Variants in NXPE2 observed in about 807,000 individuals in gnomAD.
NXPE2 encodes the protein NXPE family member 2.
Under a neutral mutation model 34.4 loss-of-function variants are expected in NXPE2, and 34 were observed. That is an observed-to-expected ratio of 0.99 (90% CI 0.75 to 1.31). The LOEUF is 1.31. NXPE2 is among the 40% of genes most tolerant of loss of function. The pLI is 0.00. For missense variants in NXPE2, 649 were observed against 672.5 expected, an observed-to-expected ratio of 0.97 and a Z score of 0.39; for synonymous variants, 235 against 231.3, an observed-to-expected ratio of 1.02 and a Z score of -0.15.
the NXPE2 span, among the ~76,000 whole-genome samples, chr11:114,509,318 T>C: frequency 6.6e-6 from 1 of 152,226 alleles, no homozygotes; most frequent in African/African-American, 2.4e-5. Flanking sequence ...TTTACACTGT[T>C]AGTGGGAGTG....
intron 2 of NXPE2, among the ~76,000 whole-genome samples, chr11:114,695,866 C>CACACACACACAA (rs960618609): frequency 1.9e-4 from 29 of 149,316 alleles, no homozygotes; most frequent in African/African-American, 7.2e-4. Flanking sequence ...CACACACACA[C>CACACACACACAA]AATTAGCTGG....
At chr11:114,775,987 T>C in the NXPE2 span, among the ~76,000 whole-genome samples, 1 of 152,052 alleles carries the variant, frequency 6.6e-6, no homozygotes, top group Non-Finnish European at 1.5e-5. Context: ...ACTGCAAGGA[T>C]GGCACAGTGC....
the NXPE2 span, among the ~76,000 whole-genome samples, chr11:114,526,105 T>C: frequency 6.6e-6 from 1 of 152,154 alleles, no homozygotes; most frequent in African/African-American, 2.4e-5. Flanking sequence ...CCCTCTGCTG[T>C]GGCTTTGAAG....
upstream of NXPE2, among the ~76,000 whole-genome samples, chr11:114,675,009 T>C (rs1168063917): frequency 6.6e-6 from 1 of 151,688 alleles, no homozygotes; most frequent in Non-Finnish European, 1.5e-5. Flanking sequence ...TACACAAATC[T>C]ATACATGTAA....
At chr11:114,510,427 G>A in the NXPE2 span, among the ~76,000 whole-genome samples, 1 of 152,068 alleles carries the variant, frequency 6.6e-6, no homozygotes, top group Admixed American at 6.6e-5. Flanking sequence ...ATAGAGATGG[G>A]TCTCCCTTTG....
At chr11:114,707,333 T>C, downstream of NXPE2, 4 of 343,522 alleles carry the variant, frequency 1.2e-5, no homozygotes, top group South Asian at 6.3e-5. Context: ...TGACCTTAGG[T>C]GATCTGCCCA....
the NXPE2 span, among the ~76,000 whole-genome samples, chr11:114,611,963 A>C: frequency 1.3e-5 from 2 of 149,758 alleles, no homozygotes; most frequent in African/African-American, 4.9e-5. Context: ...GATAATAAGT[A>C]TTGCCTCGTG....
At chr11:114,659,754 T>G in the NXPE2 span, among the ~76,000 whole-genome samples, 1 of 152,070 alleles carries the variant, frequency 6.6e-6, no homozygotes. Context: ...TAATCTTTCA[T>G]GTTAAGAAAC....
the NXPE2 span, among the ~76,000 whole-genome samples, chr11:114,550,439 A>G: frequency 1.3e-5 from 2 of 152,194 alleles, no homozygotes; most frequent in Admixed American, 1.3e-4. Flanking sequence ...CAAATTTAGT[A>G]TGCTACGGAG....
At chr11:114,688,860 G>C (rs374919723) in intron 2 of NXPE2, among the ~76,000 whole-genome samples, 4 of 152,136 alleles carry the variant, frequency 2.6e-5, no homozygotes, top group African/African-American at 9.6e-5. Flanking sequence ...ATTTTCTCTA[G>C]ATTTTCTAGT....
chr11:114,768,763 C>T, the NXPE2 span, among the ~76,000 whole-genome samples: 1 of 152,054 alleles, frequency 6.6e-6, no homozygotes, highest in African/African-American at 2.4e-5. Context: ...ATTTTGTATC[C>T]TGAGACTTTG....
chr11:114,785,093 G>C, the NXPE2 span, among the ~76,000 whole-genome samples: 50 of 152,088 alleles, frequency 3.3e-4, no homozygotes, highest in African/African-American at 1.1e-3. Flanking sequence ...TATTAATCAG[G>C]CCTCTCCGTA....
chr11:114,711,999 A>G (rs1859622510), downstream of NXPE2, among the ~76,000 whole-genome samples: 2 of 152,146 alleles, frequency 1.3e-5, no homozygotes, highest in South Asian at 4.1e-4. Flanking sequence ...CACAGTAGGG[A>G]AAAAAAGAAC....
chr11:114,542,403 A>G, the NXPE2 span, among the ~76,000 whole-genome samples: 32 of 152,336 alleles, frequency 2.1e-4, no homozygotes, highest in African/African-American at 7.5e-4. Context: ...ACATTAAACA[A>G]CCAACATAAT....
chr11:114,529,818 G>A, the NXPE2 span: 35 of 216,950 alleles, frequency 1.6e-4, no homozygotes, highest in Admixed American at 3.6e-4. Context: ...AGCACTGTGC[G>A]TGGGGGGAAA....
the NXPE2 span, among the ~76,000 whole-genome samples, chr11:114,625,517 GATA>G: frequency 1.3e-5 from 2 of 152,122 alleles, no homozygotes; most frequent in South Asian, 4.1e-4. Context: ...TTACCAGGTG[GATA>G]ATAAGTATTG....
the NXPE2 span, among the ~76,000 whole-genome samples, chr11:114,494,107 T>A: frequency 1.3e-5 from 2 of 152,216 alleles, no homozygotes; most frequent in South Asian, 4.1e-4. Context: ...GTTTCTTTTC[T>A]CTTGCTGCTT....
chr11:114,612,306 C>T, the NXPE2 span, among the ~76,000 whole-genome samples: 5 of 151,836 alleles, frequency 3.3e-5, no homozygotes, highest in South Asian at 2.1e-4. Context: ...AGTATTGCCT[C>T]GCAGGTAACC....
At chr11:114,501,715 A>G in the NXPE2 span, among the ~76,000 whole-genome samples, 1 of 152,156 alleles carries the variant, frequency 6.6e-6, no homozygotes, top group African/African-American at 2.4e-5. Context: ...AATGAAGTGC[A>G]CTGTAGCTCA....
Sources: gnomAD v4.1 joint callset for allele counts (sites outside exome capture counted in the v4.1 genomes callset) on GRCh38, gnomAD v4.1.1 for gene constraint, MANE v1.5 for transcripts, NCBI Gene and HGNC (gene_info 2026-07-23, HGNC 2026-07-21) for gene names.